Variants in GAS2L3 observed in about 807,000 individuals in gnomAD.
The protein encoded by GAS2L3 is growth arrest specific 2 like 3.
A neutral mutation model predicts 37.0 loss-of-function variants in GAS2L3; 28 were observed. That is an observed-to-expected ratio of 0.76 (90% confidence interval 0.56 to 1.04). The LOEUF (loss-of-function observed/expected upper bound fraction) is 1.04. Among genes scored for constraint, GAS2L3 ranks in the 50% least tolerant of loss-of-function variants. GAS2L3 has a pLI of 0.00. For synonymous variants in GAS2L3, 290 were observed against 296.6 expected, an observed-to-expected ratio of 0.98 and a Z score of 0.23; for missense variants, 793 against 817.6, an observed-to-expected ratio of 0.97 and a Z score of 0.37.
chr12:100,622,188 G>T, intron 8 of GAS2L3, 87 bp from the exon 9 acceptor site: 1 of 621,060 alleles, frequency 1.6e-6, no homozygotes, highest in Non-Finnish European at 2.8e-6. Context: ...CTTTGAGTTT[G>T]GTTTTCCTTA....
chr12:100,605,042 T>C lies in GAS2L3; in HGVS notation c.303+3289T>C, dbSNP rs535192583. ...TTTGCATCAACATTCATGAGAGATA[T>C]TGGTCTGTTGTCTTCATTTTTTGAT... On this transcript the variant is annotated intron_variant, in intron 5 of 9. Transcript: ENST00000547754. Among the ~76,000 whole-genome samples, 6 of 152,186 alleles carry C rather than the reference T, an allele frequency of 3.9e-5. No homozygotes were observed. In the South Asian group the frequency reaches 8.3e-4, roughly 21 times the overall value.
At chr12:100,583,673 C>T (rs1332125488) in intron 1 of GAS2L3, among the ~76,000 whole-genome samples, 4 of 152,066 alleles carry the variant, frequency 2.6e-5, no homozygotes. Flanking sequence ...GGGGCTTCAC[C>T]ATGTTAGCCA....
rs965910798 is a variant in GAS2L3, at chr12:100,587,944, C to T, written c.-151-3792C>T. On this transcript the variant is annotated intron_variant, in intron 1 of 9. Coordinates refer to ENST00000547754, the MANE Select transcript of GAS2L3 (RefSeq NM_174942.3). ...GTGGGCACCTGTAGTCCCAGCTACTCGGGAGGCTGAGGCAGGAGAATGGTG... is the reference window on the plus strand; with the variant it reads ...GTGGGCACCTGTAGTCCCAGCTACTTGGGAGGCTGAGGCAGGAGAATGGTG... Among the ~76,000 whole-genome samples, 6 of 152,028 alleles carry T rather than the reference C, an allele frequency of 3.9e-5. No homozygotes were observed. The South Asian group carries it at 6.2e-4, about 16-fold the overall frequency.
At chr12:100,576,563 C>G (rs558807266) in intron 1 of GAS2L3, among the ~76,000 whole-genome samples, 2 of 152,136 alleles carry the variant, frequency 1.3e-5, no homozygotes, top group Admixed American at 6.5e-5. Context: ...AAATAGGAAA[C>G]TTGAGTCTGT....
intron 1 of GAS2L3, among the ~76,000 whole-genome samples, chr12:100,589,967 T>A (rs990520755): frequency 1.3e-5 from 2 of 152,142 alleles, no homozygotes; most frequent in African/African-American, 4.8e-5. Context: ...TTCTAGAAGA[T>A]GACACTGGAA....
intron 3 of GAS2L3, among the ~76,000 whole-genome samples, chr12:100,597,153 A>T (rs1461418850): frequency 1.3e-5 from 2 of 151,948 alleles, no homozygotes; most frequent in Non-Finnish European, 1.5e-5. Context: ...TAAAAAAACC[A>T]CCCTCTTAAT....
intron 1 of GAS2L3, chr12:100,579,268 T>C: frequency 1.6e-6 from 1 of 611,974 alleles, no homozygotes; most frequent in East Asian, 2.7e-5. Context: ...CTGTGTCTCT[T>C]TGTGACACAA....
chr12:100,615,735 G>A (rs138016626), intron 6 of GAS2L3, among the ~76,000 whole-genome samples: 1,789 of 152,200 alleles, frequency 0.012, 95 homozygotes, highest in Admixed American at 0.093. Flanking sequence ...AACACCATTT[G>A]TTGAAAAGCC....
intron 5 of GAS2L3, among the ~76,000 whole-genome samples, chr12:100,602,332 G>A (rs1016536163): frequency 2.0e-5 from 3 of 151,870 alleles, no homozygotes; most frequent in African/African-American, 7.3e-5. Context: ...AGTAGATAAG[G>A]TTTCCTGTCT....
intron 8 of GAS2L3, among the ~76,000 whole-genome samples, chr12:100,621,875 G>C (rs552858768): frequency 8.1e-6 from 1 of 123,414 alleles, no homozygotes; most frequent in African/African-American, 3.2e-5. Flanking sequence ...GAGGGAGGGT[G>C]GGGGGGGGAG....
intron 1 of GAS2L3, among the ~76,000 whole-genome samples, chr12:100,585,417 G>A (rs1490625467): frequency 6.6e-6 from 1 of 151,236 alleles, no homozygotes; most frequent in African/African-American, 2.4e-5. Context: ...CACCACACCT[G>A]GCTAATTTTT....
chr12:100,597,864 A>G (rs1955934545), intron 3 of GAS2L3, among the ~76,000 whole-genome samples: 1 of 152,094 alleles, frequency 6.6e-6, no homozygotes, highest in South Asian at 2.1e-4. Context: ...CAATAAGCTT[A>G]GTATATTTTA....
Position 100,579,332 on chromosome 12 carries a change from G to T in GAS2L3, c.-152+5547G>T, listed in dbSNP as rs1955678860. On this transcript the variant is annotated intron_variant, in intron 1 of 9. Transcript: ENST00000547754. ...TAAGGAAAATACCGTACTACGAGCG[G>T]CACTGATTACTGAAATAGTGTCTGT... The T allele has an allele frequency of 7.4e-6, 5 of 671,826 alleles. No individual in the cohort carries two copies. In the Admixed American group the frequency reaches 1.2e-4, roughly 16 times the overall value. The allele number at this position is 671,826 out of a possible 1,614,324, so 41.6% of individuals were successfully genotyped here.
chr12:100,602,159 T>TGTGATGG (rs764508134), intron 5 of GAS2L3, among the ~76,000 whole-genome samples: 26 of 152,150 alleles, frequency 1.7e-4, no homozygotes, highest in Non-Finnish European at 3.4e-4. Flanking sequence ...GAAAAGAGCT[T>TGTGATGG]GTGATGGTTC....
intron 1 of GAS2L3, among the ~76,000 whole-genome samples, chr12:100,577,448 G>T (rs35713): frequency 0.5 from 76,619 of 151,982 alleles, 19,755 homozygotes; most frequent in East Asian, 0.7. Flanking sequence ...AGTTATTCAG[G>T]TTGGGTCTCT....
At chr12:100,600,598 C>A in intron 4 of GAS2L3, 48 bp downstream of exon 4, 3 of 1,370,704 alleles carry the variant, frequency 2.2e-6, no homozygotes, top group Non-Finnish European at 3.1e-6. Flanking sequence ...ATTCAATATG[C>A]ATTTATTGAG....
chr12:100,626,969 A>C lies in GAS2L3; in HGVS notation c.*2079A>C, dbSNP rs1369583085. On this transcript the variant is annotated 3_prime_UTR_variant, in exon 10 of 10. Coordinates refer to ENST00000547754, the MANE Select transcript of GAS2L3 (RefSeq NM_174942.3). ...CCGGGCATGGTGGCACATGCCTATA[A>C]TCTCAGCTACTCAGGAGGCTGAGGC... 1.3e-5 allele frequency: 2 copies of C among 151,896 alleles called. No individual in the cohort carries two copies. Among genetic ancestry groups the C allele is most frequent in the Non-Finnish European group, 2.9e-5 (2 of 68,016 alleles). The allele number at this position is 151,896 out of a possible 1,614,324, so 9.4% of individuals were successfully genotyped here.
At chr12:100,580,128 T>C (rs1955692370) in intron 1 of GAS2L3, 1 of 854,672 alleles carries the variant, frequency 1.2e-6, no homozygotes, top group African/African-American at 1.7e-5. Flanking sequence ...GGCCAAGGGG[T>C]GCCTGGACTC....
At chr12:100,621,916 A>AGAGAGAGGCACT (rs1555203910) in intron 8 of GAS2L3, among the ~76,000 whole-genome samples, 3 of 151,320 alleles carry the variant, frequency 2.0e-5, no homozygotes, top group Admixed American at 2.0e-4. Flanking sequence ...AGAAAGAGAG[A>AGAGAGAGGCACT]GAGAGAGGCA....
Sources: allele counts gnomAD v4.1 joint callset (sites outside exome capture counted in the v4.1 genomes callset), GRCh38; gene constraint gnomAD v4.1.1; transcripts MANE v1.5; gene names NCBI Gene and HGNC (gene_info 2026-07-23, HGNC 2026-07-21).